Variants in SLC39A14 observed in about 807,000 individuals in gnomAD.
The protein encoded by SLC39A14 is solute carrier family 39 member 14.
Under a neutral mutation model 45.5 loss-of-function variants are expected in SLC39A14, and 19 were observed. That is an observed-to-expected ratio of 0.42 (90% CI 0.29 to 0.61). The LOEUF (loss-of-function observed/expected upper bound fraction) is 0.61. Ranked by LOEUF, SLC39A14 falls within the 20% of genes least tolerant of loss-of-function variation. The pLI is 0.22. For missense variants in SLC39A14, 447 were observed against 616.5 expected (o/e 0.73, Z 2.91); for synonymous variants, 264 against 251.3 (o/e 1.05, Z -0.48).
intron 8 of SLC39A14, among the ~76,000 whole-genome samples, chr8:22,419,236 G>A (rs1253905676): frequency 2.0e-5 from 3 of 152,102 alleles, no homozygotes; most frequent in Non-Finnish European, 4.4e-5. Context: ...CCAGGCGGGA[G>A]TGCAGTGGTG....
At chr8:22,398,533 T>A (rs1834648388) in intron 1 of SLC39A14, 1 of 154,662 alleles carries the variant, frequency 6.5e-6, no homozygotes. Flanking sequence ...GCCAGCAGAG[T>A]CGGGGTGCGG....
At chr8:22,418,096 T>G (rs1025557442) in intron 8 of SLC39A14, among the ~76,000 whole-genome samples, 41 of 152,166 alleles carry the variant, frequency 2.7e-4, no homozygotes, top group African/African-American at 9.9e-4. Flanking sequence ...AGAGATGGGG[T>G]TTCCCCATAT....
At chr8:22,417,884 T>G (rs1213629131) in intron 8 of SLC39A14, 49 bp downstream of exon 8, 1 of 1,490,418 alleles carries the variant, frequency 6.7e-7, no homozygotes, top group Non-Finnish European at 9.1e-7. Flanking sequence ...AGGGGATGGA[T>G]GTTAGGTAGG....
At position 22,415,762 on chromosome 8, in the gene SLC39A14, C is replaced by T. The variant is rs1281947912; in HGVS notation, c.751-7C>T. ...GTCATGCTGATCCCTCCCTGTCACCCTTCCAGCATCATCATGGACACAGCC... is the reference window on the plus strand; with the variant it reads ...GTCATGCTGATCCCTCCCTGTCACCTTTCCAGCATCATCATGGACACAGCC... On this transcript the variant is annotated splice_polypyrimidine_tract_variant and splice_region_variant and intron_variant, in intron 5 of 8. Transcript: ENST00000381237. The T allele has an allele frequency of 6.2e-7, 1 of 1,607,628 alleles. No individual in the cohort carries two copies. The highest frequency in any genetic ancestry group is 1.3e-5 in the African/African-American group (1 of 74,536).
At chr8:22,423,043 C>T (rs192486833), downstream of SLC39A14, among the ~76,000 whole-genome samples, 86 of 152,120 alleles carry the variant, frequency 5.7e-4, no homozygotes, top group African/African-American at 1.8e-3. Context: ...AGGCTGGTCT[C>T]GAACTCCTGA....
At chr8:22,417,229 T>C (rs1232613000) in intron 7 of SLC39A14, among the ~76,000 whole-genome samples, 4 of 151,946 alleles carry the variant, frequency 2.6e-5, no homozygotes, top group Non-Finnish European at 5.9e-5. Flanking sequence ...AGGAAGGGGG[T>C]TCCTTCTGTT....
chr8:22,382,056 G>A (rs1051458599), intron 1 of SLC39A14, among the ~76,000 whole-genome samples: 2 of 152,078 alleles, frequency 1.3e-5, no homozygotes, highest in East Asian at 1.9e-4. Context: ...CAGGAGAATC[G>A]CCTAAACCCA....
chr8:22,401,543 C>CTTTTTTTT lies in SLC39A14; in HGVS notation c.-15-3138_-15-3131dup, dbSNP rs71544899. Among the ~76,000 whole-genome samples, 161 of 84,072 alleles carry CTTTTTTTT rather than the reference C, an allele frequency of 1.9e-3. 5 individuals carry two copies. Among genetic ancestry groups the CTTTTTTTT allele is most frequent in the East Asian group, 4.5e-3 (11 of 2,444 alleles). The allele number at this position is 84,072 out of a possible 152,430, so 55.2% of individuals were successfully genotyped here. Reference sequence around the variant, plus strand: ...CTGTCTTTCTCTTTCTCTTCTCTTTCTTTTTTTTTTTTTTTTTTTTTTGAG... The same window carrying CTTTTTTTT: ...CTGTCTTTCTCTTTCTCTTCTCTTTCTTTTTTTTTTTTTTTTTTTTTTTTTTTTTTGAG... On this transcript the variant is annotated intron_variant, in intron 1 of 8. Coordinates refer to ENST00000381237, the MANE Select transcript of SLC39A14 (RefSeq NM_001128431.4).
At chr8:22,408,770 T>C (rs1459973151) in intron 3 of SLC39A14, among the ~76,000 whole-genome samples, 1 of 152,122 alleles carries the variant, frequency 6.6e-6, no homozygotes, top group Non-Finnish European at 1.5e-5. Flanking sequence ...TTTGGTCTGC[T>C]TTTTGTTTCA....
At chr8:22,433,672 A>T (rs1236249074) in intron 8 of SLC39A14, among the ~76,000 whole-genome samples, 1 of 148,118 alleles carries the variant, frequency 6.8e-6, no homozygotes, top group African/African-American at 2.5e-5. Flanking sequence ...CAATCCTCCC[A>T]TCTCAGCCTC....
chr8:22,404,324 G>A (rs1484304832), intron 1 of SLC39A14, among the ~76,000 whole-genome samples: 1 of 151,432 alleles, frequency 6.6e-6, no homozygotes, highest in South Asian at 2.1e-4. Context: ...TACTTGGGAG[G>A]CCTGAGGCAG....
Position 22,422,658 on chromosome 8 carries a change from T to G in SLC39A14, c.*2960T>G, listed in dbSNP as rs1203403297. The G allele has an allele frequency of 1.9e-5, 19 of 983,828 alleles. No individual in the cohort carries two copies. Among genetic ancestry groups the G allele is most frequent in the Non-Finnish European group, 1.9e-5 (16 of 828,574 alleles). The allele number at this position is 983,828 out of a possible 1,614,324, so 60.9% of individuals were successfully genotyped here. A position where few individuals can be genotyped will look rare whatever the true frequency, so the allele number is the denominator to read the frequency against. ...TGTTTTATTTGTAAGATTCTATAAA[T>G]AAAGCTATATTCTGTAATTGTTGAG... is the stretch of plus-strand genomic sequence containing the variant. On this transcript the variant is annotated 3_prime_UTR_variant, in exon 9 of 9. Transcript: ENST00000381237.
At chr8:22,397,475 G>A (rs1421179886) in intron 1 of SLC39A14, among the ~76,000 whole-genome samples, 1 of 152,222 alleles carries the variant, frequency 6.6e-6, no homozygotes, top group Non-Finnish European at 1.5e-5. Flanking sequence ...CTACTCGGGA[G>A]GCTGAGGCGG....
chr8:22,401,539 CTTTCTTTTTTT>C lies in SLC39A14; in HGVS notation c.-15-3153_-15-3143del, dbSNP rs1247767428. ...CTTTCTGTCTTTCTCTTTCTCTTCT[CTTTCTTTTTTT>C]TTTTTTTTTTTTTTTGAGATGGAAT... On this transcript the variant is annotated intron_variant, in intron 1 of 8. Coordinates refer to ENST00000381237, the MANE Select transcript of SLC39A14 (RefSeq NM_001128431.4). 1.7e-3 allele frequency among the ~76,000 whole-genome samples: 199 copies of C among 115,738 alleles called. 2 individuals carry two copies. Among genetic ancestry groups the C allele is most frequent in the African/African-American group, 6.1e-3 (182 of 29,644 alleles). The allele number at this position is 115,738 out of a possible 152,430, so 75.9% of individuals were successfully genotyped here.
At chr8:22,383,945 C>T (rs983275279) in intron 1 of SLC39A14, among the ~76,000 whole-genome samples, 1 of 152,146 alleles carries the variant, frequency 6.6e-6, no homozygotes, top group Non-Finnish European at 1.5e-5. Context: ...ACAAAGTCAC[C>T]CACTCCCCCA....
rs1288745536 is a variant in SLC39A14 at position 22,419,871 on chromosome 8, A to G, written c.*173A>G. 1.5e-6 allele frequency: 2 copies of G among 1,325,810 alleles called. No homozygotes were observed. The highest frequency in any genetic ancestry group is 7.1e-5 in the Admixed American group (2 of 28,090). 82.1% of individuals were successfully genotyped at this position (1,325,810 alleles called of 1,614,324 possible). A position where few individuals can be genotyped will look rare whatever the true frequency, so the allele number is the denominator to read the frequency against. ...GTTTGTAAAATGCTGTATCCTAGGAATAAGCTGCCCTGGTAACCAGTCTCT... is the reference window on the plus strand; with the variant it reads ...GTTTGTAAAATGCTGTATCCTAGGAGTAAGCTGCCCTGGTAACCAGTCTCT... On this transcript the variant is annotated 3_prime_UTR_variant, in exon 9 of 9. Transcript: ENST00000381237.
In SLC39A14 at chr8:22,416,151, A is replaced by T; in HGVS notation, c.1018A>T (p.Ile340Phe). The T allele has an allele frequency of 6.2e-7, 1 of 1,614,074 alleles. No individual in the cohort carries two copies. The highest frequency in any genetic ancestry group is 8.5e-7 in the Non-Finnish European group (1 of 1,180,000). Residue 340 changes from isoleucine (I) to phenylalanine (F), a missense_variant, in exon 7 of 9, where the codon ATC (isoleucine) becomes TTC (phenylalanine). Physicochemically the swap from Ile to Phe is conservative, Grantham distance 21. Around this residue, in one of 2 missense-constraint regions of SLC39A14, gnomAD observed 342 missense variants for 428.1 expected, o/e 0.80. Coordinates refer to ENST00000381237, the MANE Select transcript of SLC39A14 (RefSeq NM_001128431.4). ...YSDIGTLAWMITLSDGLHNFI... is the reference protein window; with the variant it reads ...YSDIGTLAWMFTLSDGLHNFI... ...TGATATCGGCACTCTGGCCTGGATG[A>T]TCACTCTGAGCGACGGCCTCCATAA... is the stretch of plus-strand genomic sequence containing the variant.
chr8:22,398,746 C>T (rs532654815), intron 1 of SLC39A14: 267 of 985,374 alleles, frequency 2.7e-4, no homozygotes, highest in Middle Eastern at 2.1e-3. Context: ...CTGTGCAGGA[C>T]AGAAGTGCCG....
At position 22,367,958 on chromosome 8, in the gene SLC39A14, G is replaced by A. The variant is rs1563458490; in HGVS notation, c.-16+550G>A. 6.6e-6 allele frequency among the ~76,000 whole-genome samples: 1 copy of A among 152,156 alleles called. No homozygotes were observed. Among genetic ancestry groups the A allele is most frequent in the Non-Finnish European group, 1.5e-5 (1 of 68,022 alleles). On this transcript the variant is annotated intron_variant, in intron 1 of 8. Coordinates refer to ENST00000381237, the MANE Select transcript of SLC39A14 (RefSeq NM_001128431.4). The surrounding 1 kb of genome is among the most constrained non-coding windows in gnomAD (Gnocchi z 4.2). ...TCCTTAATGACCAAGTTAGGTGGTC[G>A]GGTTCAGGCTGCCCCCTCTTGGTGG...
Sources: allele counts gnomAD v4.1 joint callset (sites outside exome capture counted in the v4.1 genomes callset), GRCh38; gene constraint gnomAD v4.1.1; regional missense constraint gnomAD v4.1.1; non-coding constraint Gnocchi (gnomAD v3.1); transcripts MANE v1.5; gene names NCBI Gene and HGNC (gene_info 2026-07-23, HGNC 2026-07-21).